The following PLCL2 variants were observed in gnomAD, a reference collection of about 807,000 sequenced individuals.
PLCL2 encodes the protein phospholipase C like 2.
Under a neutral mutation model 79.6 loss-of-function variants are expected in PLCL2, and 4 were observed. The observed-to-expected ratio is 0.05, with a 90% CI of 0.02 to 0.11. The LOEUF (loss-of-function observed/expected upper bound fraction) is 0.11. PLCL2 is among the 10% of genes least tolerant of loss of function. PLCL2 has a pLI of 1.00. For missense variants in PLCL2, 895 were observed against 1,291.0 expected (o/e 0.69, Z 4.70); for synonymous variants, 484 against 457.7 (o/e 1.06, Z -0.73).
intron 3 of PLCL2, among the ~76,000 whole-genome samples, chr3:17,017,550 A>C (rs746608236): frequency 2.6e-5 from 4 of 152,218 alleles, no homozygotes; most frequent in Non-Finnish European, 5.9e-5. Context: ...GTAACTCTAA[A>C]TATAGCTCTT....
intron 1 of PLCL2, among the ~76,000 whole-genome samples, chr3:16,913,829 T>C (rs970336118): frequency 2.6e-5 from 4 of 152,228 alleles, no homozygotes; most frequent in Admixed American, 1.3e-4. Flanking sequence ...AATGATTTTA[T>C]GGAAGAAAGA....
At chr3:17,026,787 A>G (rs1182922903) in intron 3 of PLCL2, among the ~76,000 whole-genome samples, 1 of 152,128 alleles carries the variant, frequency 6.6e-6, no homozygotes, top group Non-Finnish European at 1.5e-5. Flanking sequence ...GGATCACTTG[A>G]ACCCAGGAGG....
chr3:17,024,642 T>C (rs767933028), intron 3 of PLCL2, among the ~76,000 whole-genome samples: 4 of 152,204 alleles, frequency 2.6e-5, no homozygotes, highest in Non-Finnish European at 5.9e-5. Context: ...TGGCTTTCCA[T>C]GTGTGGTAAT....
intron 4 of PLCL2, among the ~76,000 whole-genome samples, chr3:17,055,503 G>A (rs1394102924): frequency 2.6e-5 from 4 of 152,150 alleles, no homozygotes; most frequent in Admixed American, 1.3e-4. Flanking sequence ...AACCGTCCCT[G>A]TAACCTTCAC....
chr3:17,083,433 G>A lies in PLCL2; in HGVS notation c.3205-6300G>A, dbSNP rs1284823476. 3.9e-5 allele frequency among the ~76,000 whole-genome samples: 6 copies of A among 152,290 alleles called. No individual in the cohort carries two copies. In the East Asian group the frequency reaches 1.2e-3, roughly 29 times the overall value. On this transcript the variant is annotated intron_variant, in intron 5 of 5. Transcript: ENST00000615277. Reference sequence around the variant, plus strand: ...TATCAGAGGCTGAGTGAACAATACAGGGTGGGTAGGTGAGTGAAGGAAGTC... The same window carrying A: ...TATCAGAGGCTGAGTGAACAATACAAGGTGGGTAGGTGAGTGAAGGAAGTC...
chr3:16,976,077 A>C (rs753506443), intron 1 of PLCL2, among the ~76,000 whole-genome samples: 4 of 152,228 alleles, frequency 2.6e-5, no homozygotes, highest in Non-Finnish European at 5.9e-5. Context: ...GCAAGGAAAC[A>C]AAATGGACAT....
chr3:17,015,503 TTACTG>T (rs1396868268), intron 3 of PLCL2, among the ~76,000 whole-genome samples: 1 of 152,234 alleles, frequency 6.6e-6, no homozygotes, highest in African/African-American at 2.4e-5. Context: ...CATCCTGCTC[TTACTG>T]TAATTTTTTT....
chr3:16,934,374 G>A (rs1697487594), intron 1 of PLCL2, among the ~76,000 whole-genome samples: 1 of 152,156 alleles, frequency 6.6e-6, no homozygotes, highest in South Asian at 2.1e-4. Context: ...AGGAACATAG[G>A]TTAGGAAAGG....
intron 1 of PLCL2, among the ~76,000 whole-genome samples, chr3:16,947,887 A>AT (rs1435030040): frequency 2.0e-5 from 3 of 152,228 alleles, no homozygotes; most frequent in Non-Finnish European, 4.4e-5. Context: ...TATGGTTAAT[A>AT]TTACATCAAT....
chr3:17,069,033 C>T (rs114750980), intron 5 of PLCL2, among the ~76,000 whole-genome samples: 3,204 of 152,268 alleles, frequency 0.021, 56 homozygotes, highest in South Asian at 0.044. Flanking sequence ...GCCTTGAAAA[C>T]GACCTGACAA....
chr3:16,920,970 A>G (rs1697112918), intron 1 of PLCL2, among the ~76,000 whole-genome samples: 1 of 152,170 alleles, frequency 6.6e-6, no homozygotes, highest in Non-Finnish European at 1.5e-5. Flanking sequence ...TGAAAGTTTG[A>G]ATTAGGAATT....
intron 1 of PLCL2, among the ~76,000 whole-genome samples, chr3:16,920,512 C>T (rs1697100849): frequency 6.6e-6 from 1 of 151,974 alleles, no homozygotes; most frequent in Non-Finnish European, 1.5e-5. Flanking sequence ...GAAAGGTCAA[C>T]CAAAAATTTA....
At chr3:16,924,811 T>C (rs1280956368) in intron 1 of PLCL2, among the ~76,000 whole-genome samples, 2 of 152,176 alleles carry the variant, frequency 1.3e-5, no homozygotes, top group African/African-American at 4.8e-5. Flanking sequence ...ATAACCACGA[T>C]AGTCTTAAAG....
intron 4 of PLCL2, among the ~76,000 whole-genome samples, chr3:17,063,677 C>T (rs2064979724): frequency 1.3e-5 from 2 of 152,112 alleles, no homozygotes; most frequent in African/African-American, 2.4e-5. Context: ...TTCCCCCAGA[C>T]CCTCCTCACA....
At chr3:16,980,044 G>A (rs1291487558) in intron 1 of PLCL2, among the ~76,000 whole-genome samples, 8 of 143,168 alleles carry the variant, frequency 5.6e-5, no homozygotes, top group Non-Finnish European at 7.7e-5. Flanking sequence ...AGGGGCGGCC[G>A]GGCAGAGGTG....
intron 1 of PLCL2, among the ~76,000 whole-genome samples, chr3:16,987,422 C>G (rs546696829): frequency 6.6e-6 from 1 of 152,086 alleles, no homozygotes; most frequent in African/African-American, 2.4e-5. Flanking sequence ...TAAATATTTA[C>G]TGAATGAAAG....
chr3:17,078,366 T>C (rs561892217), intron 5 of PLCL2, among the ~76,000 whole-genome samples: 41 of 152,334 alleles, frequency 2.7e-4, no homozygotes, highest in Non-Finnish European at 5.3e-4. Flanking sequence ...CTTAAGAGAT[T>C]TGTTCTGCTG....
At chr3:17,080,982 A>G (rs1211292269) in intron 5 of PLCL2, among the ~76,000 whole-genome samples, 1 of 152,220 alleles carries the variant, frequency 6.6e-6, no homozygotes, top group Non-Finnish European at 1.5e-5. Flanking sequence ...CAACAGGAAA[A>G]TAAAACAAAC....
At chr3:17,062,086 G>T (rs963118279) in intron 4 of PLCL2, among the ~76,000 whole-genome samples, 2 of 152,102 alleles carry the variant, frequency 1.3e-5, no homozygotes, top group Admixed American at 6.5e-5. Flanking sequence ...GGAACCTAAT[G>T]GTTGGTTCTT....
Sources: gnomAD v4.1 joint callset for allele counts (sites outside exome capture counted in the v4.1 genomes callset) on GRCh38, gnomAD v4.1.1 for gene constraint, MANE v1.5 for transcripts, NCBI Gene and HGNC (gene_info 2026-07-23, HGNC 2026-07-21) for gene names.